NTRK3: variants seen among roughly 807,000 people sequenced by gnomAD.
The protein encoded by NTRK3 is NT-3 growth factor receptor.
In NTRK3, 24 loss-of-function variants were observed where a neutral mutation model predicts 91.7. The observed-to-expected ratio is 0.26, with a 90% confidence interval of 0.19 to 0.37. The LOEUF (loss-of-function observed/expected upper bound fraction) is 0.37. Among genes scored for constraint, NTRK3 ranks in the 10% least tolerant of loss-of-function variants. NTRK3 has a pLI of 1.00. For synonymous variants in NTRK3, 483 were observed against 404.0 expected, an observed-to-expected ratio of 1.20 and a Z score of -2.34; for missense variants, 880 against 1,068.9, an observed-to-expected ratio of 0.82 and a Z score of 2.46.
chr15:88,041,006 A>T (rs1298497288), intron 13 of NTRK3, among the ~76,000 whole-genome samples: 1 of 152,178 alleles, frequency 6.6e-6, no homozygotes, highest in Non-Finnish European at 1.5e-5. Context: ...TTTGACTCCA[A>T]AGTTCTGCGT....
Position 88,255,425 on chromosome 15 carries a change from G to A in NTRK3, c.248+481C>T, listed in dbSNP as rs1023001981. Among the ~76,000 whole-genome samples the A allele has an allele frequency of 2.6e-5, 4 of 152,186 alleles. No individual in the cohort carries two copies. Among genetic ancestry groups the A allele is most frequent in the Non-Finnish European group, 5.9e-5 (4 of 68,042 alleles). The stretch of plus-strand genomic sequence containing the variant: ...CCAAATGGAAATAGTTAAACACCTC[G>A]GCTGGATCGCGAGCAGTCCCTATCT... On this transcript the variant is annotated intron_variant, in intron 3 of 18. Coordinates refer to ENST00000394480, the Ensembl canonical transcript of NTRK3. The surrounding 1 kb of genome is among the most constrained non-coding windows in gnomAD (Gnocchi z 4.3).
chr15:87,897,348 T>C (rs1303328745), intron 17 of NTRK3, among the ~76,000 whole-genome samples: 2 of 152,196 alleles, frequency 1.3e-5, no homozygotes, highest in Non-Finnish European at 2.9e-5. Context: ...TGTCCTTTAC[T>C]GCCCCCAAGC....
At chr15:87,932,955 A>T (rs2141952321) in intron 16 of NTRK3, 57 bp downstream of exon 16, 1 of 1,596,246 alleles carries the variant, frequency 6.3e-7, no homozygotes, top group Non-Finnish European at 8.6e-7. Flanking sequence ...TCCAGGGAAA[A>T]CCCCAAGGGT....
chr15:88,051,378 A>C (rs2080805544), intron 13 of NTRK3, among the ~76,000 whole-genome samples: 1 of 152,176 alleles, frequency 6.6e-6, no homozygotes, highest in African/African-American at 2.4e-5. Flanking sequence ...AGGTTTGCCT[A>C]TTGCCTCTCT....
intron 14 of NTRK3, among the ~76,000 whole-genome samples, chr15:87,967,673 A>T (rs1343314189): frequency 1.3e-5 from 2 of 152,138 alleles, no homozygotes; most frequent in Non-Finnish European, 2.9e-5. Context: ...TCTTCAATCA[A>T]CCAATAATGT....
intron 13 of NTRK3, among the ~76,000 whole-genome samples, chr15:88,109,491 A>T (rs2051086218): frequency 6.6e-6 from 1 of 152,228 alleles, no homozygotes; most frequent in Admixed American, 6.5e-5. Flanking sequence ...AATCAAATGG[A>T]AACATGAAAG....
intron 3 of NTRK3, among the ~76,000 whole-genome samples, chr15:88,206,243 G>A (rs745365803): frequency 8.8e-4 from 133 of 151,086 alleles, no homozygotes; most frequent in South Asian, 1.5e-3. Context: ...TACTCAAGAG[G>A]CTGAGGCAGG....
intron 6 of NTRK3, among the ~76,000 whole-genome samples, chr15:88,145,599 G>A (rs7162431): frequency 0.19 from 29,004 of 151,986 alleles, 2,879 homozygotes; most frequent in Middle Eastern, 0.25. Flanking sequence ...AAAACTCCAC[G>A]TAACAGGTCA....
At chr15:88,036,805 C>A (rs1366083715) in intron 13 of NTRK3, among the ~76,000 whole-genome samples, 1 of 152,138 alleles carries the variant, frequency 6.6e-6, no homozygotes, top group Non-Finnish European at 1.5e-5. Flanking sequence ...CACCTCCAAC[C>A]CCGCCCCTTT....
chr15:88,097,798 A>G (rs1466633596), intron 13 of NTRK3, among the ~76,000 whole-genome samples: 1 of 152,258 alleles, frequency 6.6e-6, no homozygotes, highest in East Asian at 1.9e-4. Context: ...AATTGCATCT[A>G]CAGCATGATA....
At chr15:87,933,373 C>T (rs1222686229) in intron 15 of NTRK3, among the ~76,000 whole-genome samples, 189 bp from the exon 16 acceptor site, 1 of 152,220 alleles carries the variant, frequency 6.6e-6, no homozygotes, top group Admixed American at 6.5e-5. Flanking sequence ...GCATTTTCAT[C>T]CCTGCAGAAA....
intron 14 of NTRK3, among the ~76,000 whole-genome samples, chr15:88,030,394 C>G (rs1176974835): frequency 6.6e-6 from 1 of 152,164 alleles, no homozygotes; most frequent in Non-Finnish European, 1.5e-5. Flanking sequence ...CTCTCCATGG[C>G]TCCCAGGCTT....
At chr15:88,247,835 T>A (rs113522712) in intron 3 of NTRK3, among the ~76,000 whole-genome samples, 2 of 151,934 alleles carry the variant, frequency 1.3e-5, no homozygotes. Context: ...CCATGAGCAA[T>A]GAAGGTAGAG....
At chr15:88,201,480 A>G (rs559304444) in intron 3 of NTRK3, among the ~76,000 whole-genome samples, 2 of 152,310 alleles carry the variant, frequency 1.3e-5, no homozygotes, top group Admixed American at 6.5e-5. Flanking sequence ...TATAATGGTA[A>G]TAAACTTCAC....
At chr15:88,061,874 T>A (rs1294145878) in intron 13 of NTRK3, among the ~76,000 whole-genome samples, 1 of 152,206 alleles carries the variant, frequency 6.6e-6, no homozygotes, top group Non-Finnish European at 1.5e-5. Flanking sequence ...TCAGTTTCCT[T>A]TCTGAGCCTC....
intron 13 of NTRK3, among the ~76,000 whole-genome samples, chr15:88,085,373 A>G (rs2048403809): frequency 1.3e-5 from 2 of 152,222 alleles, no homozygotes; most frequent in South Asian, 4.1e-4. Context: ...GGGAGGTGAC[A>G]GTGACTGTTC....
At chr15:88,097,308 G>A (rs973356150) in intron 13 of NTRK3, among the ~76,000 whole-genome samples, 5 of 152,182 alleles carry the variant, frequency 3.3e-5, no homozygotes, top group Admixed American at 2.6e-4. Flanking sequence ...TATCATTAAT[G>A]CTGTTAGCAT....
intron 17 of NTRK3, among the ~76,000 whole-genome samples, chr15:87,913,693 G>A (rs1452401926): frequency 6.6e-6 from 1 of 152,240 alleles, no homozygotes; most frequent in African/African-American, 2.4e-5. Flanking sequence ...AAGCAATTCA[G>A]TGACATGGGA....
At chr15:88,152,719 C>T (rs942017640) in intron 5 of NTRK3, among the ~76,000 whole-genome samples, 1 of 152,202 alleles carries the variant, frequency 6.6e-6, no homozygotes, top group African/African-American at 2.4e-5. Flanking sequence ...AGTTGGCTGC[C>T]TCACTGTGAT....
Sources: gnomAD v4.1 joint callset for allele counts (sites outside exome capture counted in the v4.1 genomes callset) on GRCh38, gnomAD v4.1.1 for gene constraint, Gnocchi (gnomAD v3.1) non-coding constraint, MANE v1.5 for transcripts, NCBI Gene and HGNC (gene_info 2026-07-23, HGNC 2026-07-21) for gene names.